The following SIGLEC5 variants were observed in gnomAD, a reference collection of about 807,000 sequenced individuals.
The protein encoded by SIGLEC5 is sialic acid-binding Ig-like lectin 5.
In SIGLEC5, 34 loss-of-function variants were observed where a neutral mutation model predicts 45.9. The ratio of observed to expected loss-of-function variants is 0.74; its 90% CI spans 0.56 to 0.99. The LOEUF is 0.99. SIGLEC5 is among the 50% of genes least tolerant of loss of function. The pLI is 0.00. For missense variants in SIGLEC5, 508 were observed against 629.6 expected, an observed-to-expected ratio of 0.81 and a Z score of 2.07; for synonymous variants, 203 against 258.6, an observed-to-expected ratio of 0.79 and a Z score of 2.06.
chr19:51,622,336 T>G (rs1600101783), intron 8 of SIGLEC5, among the ~76,000 whole-genome samples: 1 of 151,760 alleles, frequency 6.6e-6, no homozygotes, highest in Admixed American at 6.6e-5. Flanking sequence ...AGACGGGGTT[T>G]CACCGTGTGA....
intron 8 of SIGLEC5, 140 bp downstream of exon 8, chr19:51,625,892 C>T (rs530244631): frequency 2.8e-4 from 189 of 676,562 alleles, no homozygotes; most frequent in Non-Finnish European, 4.0e-4. Flanking sequence ...GATTTCCTGG[C>T]TCTGGGATAT....
intron 8 of SIGLEC5, among the ~76,000 whole-genome samples, chr19:51,619,070 A>T (rs762269958): frequency 9.9e-5 from 15 of 152,202 alleles, no homozygotes; most frequent in Non-Finnish European, 2.1e-4. Context: ...ATTACAATTA[A>T]CACACTGGAC....
Position 51,627,585 on chromosome 19 carries a change from A to G in SIGLEC5, c.1159T>C (p.Ser387Pro). The change falls in exon 6 of 9, where the codon TCA (serine) becomes CCA (proline). Residue 387 changes from serine to proline, a missense_variant. By Grantham distance (74) the Ser-to-Pro change is moderately conservative. Coordinates refer to ENST00000683636, the MANE Select transcript of SIGLEC5 (RefSeq NM_003830.4). ...SQGSFKVNSS[S>P]AGPWANSSLI... ...GAGCTGTTGGCCCAGGGCCCAGCTG[A>G]GCTGGAGTTGACCTTGAATGAGCCC... is the stretch of plus-strand genomic sequence containing the variant. 6.2e-7 allele frequency: 1 copy of G among 1,614,010 alleles called. No homozygotes were observed. The highest frequency in any genetic ancestry group is 1.1e-5 in the South Asian group (1 of 91,084).
At position 51,627,671 on chromosome 19, in the gene SIGLEC5, C is replaced by G; in HGVS notation, c.1073G>C (p.Arg358Pro). The G allele has an allele frequency of 6.2e-7, 1 of 1,610,560 alleles. No homozygotes were observed. The highest frequency in any genetic ancestry group is 2.2e-5 in the East Asian group (1 of 44,820). ...GLHCRCSFRA[R>P]PAPSLCWRLE... ...CCGCCAGCACAGGGAGGGGGCCGGC[C>G]GGGCTCGAAAGGAGCATCTGCAGTG... The change falls in exon 6 of 9, where the codon CGG becomes CCG. Residue 358 changes from arginine (R) to proline (P), a missense_variant. Around this residue, in one of 2 missense-constraint regions of SIGLEC5, gnomAD observed 431 missense variants for 428.8 expected, o/e 1.01. Coordinates refer to ENST00000683636, the MANE Select transcript of SIGLEC5 (RefSeq NM_003830.4).
rs558617961 is a variant in SIGLEC5 at position 51,621,901 on chromosome 19, GAAAAATAAC to G, written c.1464+4122_1464+4130del. 9.6e-3 allele frequency among the ~76,000 whole-genome samples: 1,458 copies of G among 152,050 alleles called. 8 individuals carry two copies. Among genetic ancestry groups the G allele is most frequent in the Non-Finnish European group, 0.016 (1,059 of 67,970 alleles). On this transcript the variant is annotated intron_variant, in intron 8 of 8. Coordinates refer to ENST00000683636, the MANE Select transcript of SIGLEC5 (RefSeq NM_003830.4). ...AGCAACAAAAACTGGTATTTAGGAA[GAAAAATAAC>G]AAAAGATGTGTAAGACCTGTGTGAA... is the stretch of plus-strand genomic sequence containing the variant.
At chr19:51,628,614 TGTGTGC>T (rs2122638987) in intron 4 of SIGLEC5, among the ~76,000 whole-genome samples, 1 of 149,262 alleles carries the variant, frequency 6.7e-6, no homozygotes, top group Non-Finnish European at 1.5e-5. Context: ...TGTACGTACA[TGTGTGC>T]GTGTGTGGGT....
chr19:51,622,784 G>A (rs752278192), intron 8 of SIGLEC5, among the ~76,000 whole-genome samples: 3 of 152,150 alleles, frequency 2.0e-5, no homozygotes, highest in Non-Finnish European at 2.9e-5. Context: ...GTACTTAAAT[G>A]TCAAAAGAAA....
chr19:51,622,914 C>T (rs1236941620), intron 8 of SIGLEC5, among the ~76,000 whole-genome samples: 2 of 152,152 alleles, frequency 1.3e-5, no homozygotes, highest in Admixed American at 1.3e-4. Context: ...TAATGATCTC[C>T]AGTTCCATCC....
Position 51,629,071 on chromosome 19 carries a change from G to A in SIGLEC5, c.706C>T (p.Pro236Ser), listed in dbSNP as rs773235543. 2.0e-5 allele frequency: 33 copies of A among 1,613,736 alleles called. No homozygotes were observed. In the South Asian group the frequency reaches 3.4e-4, roughly 17 times the overall value. Residue 236 changes from proline (P) to serine (S), a missense_variant, in exon 4 of 9, where the codon CCA (proline) becomes TCA (serine). By Grantham distance (74) the Pro-to-Ser change is moderately conservative. This residue lies in a region of SIGLEC5 where 431 missense variants were observed against 428.8 expected (regional missense o/e 1.01). Transcript: ENST00000683636. ...TTCCTGAAGATGGTGATGGTCTGTG[G>A]AGCATCTGGGATAAAAAGATATAAA... Reference protein sequence around the residue: ...RTVQLNVSYAPQTITIFRNGI... With the variant: ...RTVQLNVSYASQTITIFRNGI...
intron 8 of SIGLEC5, among the ~76,000 whole-genome samples, chr19:51,616,772 G>T (rs780994977): frequency 6.6e-5 from 10 of 151,958 alleles, no homozygotes; most frequent in African/African-American, 2.4e-4. Flanking sequence ...TTAGCCAGGC[G>T]TGATGATGTG....
intron 8 of SIGLEC5, among the ~76,000 whole-genome samples, chr19:51,614,269 G>A (rs1600098205): frequency 6.6e-6 from 1 of 152,128 alleles, no homozygotes; most frequent in East Asian, 1.9e-4. Flanking sequence ...TCAGCTTCCT[G>A]AGTAGCTGAG....
In SIGLEC5 at chr19:51,628,423, G is replaced by A. The variant is rs117067216; in HGVS notation, c.740-332C>T. Among the ~76,000 whole-genome samples, 71 of 152,294 alleles carry A rather than the reference G, an allele frequency of 4.7e-4. No homozygotes were observed. In the East Asian group the frequency reaches 0.013, roughly 28 times the overall value. ...ACTGAGGATGCAGGAGTGGAAGGGT[G>A]AGAGAAGAACCACAGAGCTGGGCTG... On this transcript the variant is annotated intron_variant, in intron 4 of 8. Coordinates refer to ENST00000683636, the MANE Select transcript of SIGLEC5 (RefSeq NM_003830.4).
chr19:51,626,330 C>A (rs1052261396), intron 7 of SIGLEC5, among the ~76,000 whole-genome samples: 7 of 152,122 alleles, frequency 4.6e-5, no homozygotes, highest in Admixed American at 3.9e-4. Flanking sequence ...ATCATATAGA[C>A]CCCCTCTTAC....
chr19:51,614,948 A>G (rs541677890), intron 8 of SIGLEC5, among the ~76,000 whole-genome samples: 2 of 152,238 alleles, frequency 1.3e-5, no homozygotes, highest in South Asian at 2.1e-4. Context: ...TAATAACCCA[A>G]TTTCTATAGG....
At chr19:51,618,699 G>A (rs543652533) in intron 8 of SIGLEC5, among the ~76,000 whole-genome samples, 2 of 148,638 alleles carry the variant, frequency 1.3e-5, no homozygotes, top group East Asian at 4.2e-4. Flanking sequence ...GGCTGAAGCA[G>A]GAGAATTGCT....
At chr19:51,614,005 A>T (rs1982956359) in intron 8 of SIGLEC5, among the ~76,000 whole-genome samples, 1 of 152,182 alleles carries the variant, frequency 6.6e-6, no homozygotes, top group East Asian at 1.9e-4. Flanking sequence ...AGAGAAACAA[A>T]ATGGAGCAGA....
At chr19:51,612,533 A>T in intron 8 of SIGLEC5, 111 bp from the exon 9 acceptor site, 1 of 795,150 alleles carries the variant, frequency 1.3e-6, no homozygotes, top group Non-Finnish European at 1.9e-6. Context: ...TGTAAGTTGG[A>T]CTTTCTCATG....
chr19:51,618,792 C>CAAAAAAA (rs398035001), intron 8 of SIGLEC5, among the ~76,000 whole-genome samples: 4 of 48,306 alleles, frequency 8.3e-5, no homozygotes, highest in East Asian at 6.9e-4. Context: ...ACTCTGTCTC[C>CAAAAAAA]AAAAAAAAAA....
Position 51,628,108 on chromosome 19 carries a change from G to A in SIGLEC5, c.740-17C>T. On this transcript the variant is annotated splice_polypyrimidine_tract_variant and intron_variant, in intron 4 of 8. Coordinates refer to ENST00000683636, the MANE Select transcript of SIGLEC5 (RefSeq NM_003830.4). Reference sequence around the variant, plus strand: ...TCTCTAGGGCTTTGGGGAGAGAAGGGTGGGGAAAGAGAGATGGGGCCAGGG... The same window carrying A: ...TCTCTAGGGCTTTGGGGAGAGAAGGATGGGGAAAGAGAGATGGGGCCAGGG... 1.3e-6 allele frequency: 2 copies of A among 1,504,910 alleles called. No homozygotes were observed. Among genetic ancestry groups the A allele is most frequent in the East Asian group, 2.3e-5 (1 of 42,598 alleles). 93.2% of individuals were successfully genotyped at this position (1,504,910 alleles called of 1,614,324 possible). A position where few individuals can be genotyped will look rare whatever the true frequency, so the allele number is the denominator to read the frequency against.
Sources: allele counts gnomAD v4.1 joint callset (sites outside exome capture counted in the v4.1 genomes callset), GRCh38; gene constraint gnomAD v4.1.1; regional missense constraint gnomAD v4.1.1; transcripts MANE v1.5; gene names NCBI Gene and HGNC (gene_info 2026-07-23, HGNC 2026-07-21).